Variants in GPD1 observed in about 807,000 individuals in gnomAD.
The protein encoded by GPD1 is glycerol-3-phosphate dehydrogenase 1.
GPD1 carries 19 observed loss-of-function variants against 34.4 expected under a neutral mutation model. That is an observed-to-expected ratio of 0.55 (90% CI 0.39 to 0.81). The LOEUF is 0.81. Ranked by LOEUF, GPD1 falls within the 30% of genes least tolerant of loss-of-function variation. GPD1 has a pLI of 0.00. For missense variants in GPD1, 429 were observed against 447.0 expected (o/e 0.96, Z 0.36); for synonymous variants, 172 against 174.1 (o/e 0.99, Z 0.09).
chr12:50,109,296 C>T lies in GPD1; in HGVS notation c.954-127C>T, dbSNP rs79544019. 939 of 640,404 alleles carry T rather than the reference C, an allele frequency of 1.5e-3. 24 individuals carry two copies. The East Asian group carries it at 0.025, about 17-fold the overall frequency. The allele number at this position is 640,404 out of a possible 1,614,324, so 39.7% of individuals were successfully genotyped here. ...TTCACATTCTCAGAAGGTAGAAACT[C>T]ACAGCCATCCTTCCTGAGCTCCAAG... On this transcript the variant is annotated intron_variant, in intron 7 of 7. Coordinates refer to ENST00000301149, the MANE Select transcript of GPD1 (RefSeq NM_005276.4).
intron 2 of GPD1, 190 bp from the exon 3 acceptor site, chr12:50,105,357 AC>A: frequency 1.6e-6 from 1 of 609,384 alleles, no homozygotes; most frequent in Non-Finnish European, 2.9e-6. Flanking sequence ...CTGGAGGGAG[AC>A]AGAGTGGTAG....
chr12:50,107,839 G>A, intron 6 of GPD1, 39 bp downstream of exon 6: 1 of 1,438,948 alleles, frequency 6.9e-7, no homozygotes, highest in Non-Finnish European at 9.8e-7. Context: ...GGGCGGCTCT[G>A]TAGGCATCCA....
At position 50,105,567 on chromosome 12, in the gene GPD1, T is replaced by G; in HGVS notation, c.239T>G (p.Val80Gly). The change falls in exon 3 of 8, where the codon GTC becomes GGC. Residue 80 changes from valine (V) to glycine (G), a missense_variant. By Grantham distance (109) the Val-to-Gly change is moderately radical. Coordinates refer to ENST00000301149, the MANE Select transcript of GPD1 (RefSeq NM_005276.4). ...PPNVVAVPDVVQAAEDADILI... is the reference protein window; with the variant it reads ...PPNVVAVPDVGQAAEDADILI... ...CCACAGGTGGCTGTCCCAGATGTGG[T>G]CCAGGCTGCAGAGGATGCTGACATC... 1 of 1,613,720 alleles carries G rather than the reference T, an allele frequency of 6.2e-7. No homozygotes were observed. Among genetic ancestry groups the G allele is most frequent in the Non-Finnish European group, 8.5e-7 (1 of 1,179,766 alleles).
chr12:50,109,042 G>A (rs151072203), intron 7 of GPD1, among the ~76,000 whole-genome samples: 1 of 151,632 alleles, frequency 6.6e-6, no homozygotes, highest in Non-Finnish European at 1.5e-5. Context: ...GGCTGATGCA[G>A]GAGAATCGCT....
chr12:50,105,027 G>C, intron 2 of GPD1: 2 of 476,468 alleles, frequency 4.2e-6, no homozygotes, highest in Non-Finnish European at 3.7e-6. Flanking sequence ...TTGGGGTCCA[G>C]TAGTGCCTGC....
chr12:50,107,810 G>T lies in GPD1; in HGVS notation c.846+10G>T, dbSNP rs200453933. 6.3e-7 allele frequency: 1 copy of T among 1,583,534 alleles called. No homozygotes were observed. Among genetic ancestry groups the T allele is most frequent in the Non-Finnish European group, 8.7e-7 (1 of 1,152,336 alleles). ...TGCGCGTACAGGAAAGGTGGGCCCC[G>T]GGAGAAGGGAGAACAGAGGGGCGGC... On this transcript the variant is annotated intron_variant, in intron 6 of 7. Transcript: ENST00000301149.
rs1399792864 is a variant in GPD1 at position 50,110,598 on chromosome 12, G to C, written c.*1079G>C. ...GCATCTGGAAGCCAGCAGGCCAGAGGGTGGCCCAAAGGCTGATGAACGGTA... is the reference window on the plus strand; with the variant it reads ...GCATCTGGAAGCCAGCAGGCCAGAGCGTGGCCCAAAGGCTGATGAACGGTA... On this transcript the variant is annotated 3_prime_UTR_variant, in exon 8 of 8. Coordinates refer to ENST00000301149, the MANE Select transcript of GPD1 (RefSeq NM_005276.4). 6.6e-6 allele frequency: 1 copy of C among 152,572 alleles called. No individual in the cohort carries two copies. Among genetic ancestry groups the C allele is most frequent in the Non-Finnish European group, 1.5e-5 (1 of 68,142 alleles). 9.5% of individuals were successfully genotyped at this position (152,572 alleles called of 1,614,324 possible).
At chr12:50,107,136 G>A in intron 5 of GPD1, 1 of 684,700 alleles carries the variant, frequency 1.5e-6, no homozygotes, top group Non-Finnish European at 2.7e-6. Flanking sequence ...CCTTGCTCCT[G>A]TCCCATTTTA....
intron 1 of GPD1, 30 bp from the exon 2 acceptor site, chr12:50,104,544 T>C: frequency 6.3e-7 from 1 of 1,583,510 alleles, no homozygotes; most frequent in Non-Finnish European, 8.7e-7. Context: ...TCCCTCCTCC[T>C]GTACTTTCCT....
intron 1 of GPD1, chr12:50,104,326 G>A (rs1454125285): frequency 3.0e-5 from 21 of 703,566 alleles, no homozygotes; most frequent in Admixed American, 1.0e-4. Flanking sequence ...GTGAAGAGCC[G>A]CTTGAGTTTG....
chr12:50,108,358 T>C (rs1315006180), intron 7 of GPD1, among the ~76,000 whole-genome samples: 1 of 152,158 alleles, frequency 6.6e-6, no homozygotes, highest in African/African-American at 2.4e-5. Context: ...CACACTACAT[T>C]ACCTGGATCC....
In GPD1 at chr12:50,107,135, T is replaced by C. The variant is rs990377470; in HGVS notation, c.612+218T>C. The C allele has an allele frequency of 3.8e-5, 26 of 684,318 alleles. No individual in the cohort carries two copies. In the African/African-American group the frequency reaches 3.9e-4, roughly 10 times the overall value. 42.4% of individuals were successfully genotyped at this position (684,318 alleles called of 1,614,324 possible). Reference sequence around the variant, plus strand: ...ATCAGACCGTGGACCCCCTTGCTCCTGTCCCATTTTAGCCCCGTGTGGGAC... The same window carrying C: ...ATCAGACCGTGGACCCCCTTGCTCCCGTCCCATTTTAGCCCCGTGTGGGAC... On this transcript the variant is annotated intron_variant, in intron 5 of 7. Transcript: ENST00000301149.
intron 6 of GPD1, 34 bp downstream of exon 6, chr12:50,107,834 G>C: frequency 2.1e-6 from 3 of 1,433,402 alleles, no homozygotes; most frequent in Non-Finnish European, 2.0e-6. Flanking sequence ...CAGAGGGGCG[G>C]CTCTGTAGGC....
chr12:50,106,297 G>C lies in GPD1; in HGVS notation c.370G>C (p.Glu124Gln), dbSNP rs34783513. 1 of 1,610,446 alleles carries C rather than the reference G, an allele frequency of 6.2e-7. No homozygotes were observed. The highest frequency in any genetic ancestry group is 1.1e-5 in the South Asian group (1 of 90,582). Residue 124 changes from glutamate to glutamine, a missense_variant, in exon 4 of 8, where the codon GAG (glutamate) becomes CAG (glutamine). Coordinates refer to ENST00000301149, the MANE Select transcript of GPD1 (RefSeq NM_005276.4). ...TGISLIKGVD[E>Q]GPNGLKLISE... is the part of the protein sequence containing the mutation. ...TCCATCCTGTGCTCAGGGGGTAGAC[G>C]AGGGCCCCAATGGGCTGAAGCTCAT...
intron 2 of GPD1, among the ~76,000 whole-genome samples, 174 bp downstream of exon 2, chr12:50,104,925 G>A (rs1950968004): frequency 6.6e-6 from 1 of 152,222 alleles, no homozygotes; most frequent in Non-Finnish European, 1.5e-5. Flanking sequence ...GAGAACCTAT[G>A]CTTTCCCCTC....
chr12:50,108,221 G>A, intron 7 of GPD1, 91 bp downstream of exon 7: 1 of 755,484 alleles, frequency 1.3e-6, no homozygotes, highest in Non-Finnish European at 2.4e-6. Context: ...CCACAAATCT[G>A]TGAAGTGGAC....
In GPD1 at chr12:50,110,369, G is replaced by C. The variant is rs1266726675; in HGVS notation, c.*850G>C. On this transcript the variant is annotated 3_prime_UTR_variant, in exon 8 of 8. Transcript: ENST00000301149. ...GACAGAGCTACACCTTTCATAACAG[G>C]CTCAGATCACTCAGCTCCCTGTGAC... The C allele has an allele frequency of 6.5e-6, 1 of 152,734 alleles. No individual in the cohort carries two copies. The highest frequency in any genetic ancestry group is 6.5e-5 in the Admixed American group (1 of 15,276). The allele number at this position is 152,734 out of a possible 1,614,324, so 9.5% of individuals were successfully genotyped here.
chr12:50,107,330 A>G (rs1368056765), intron 5 of GPD1: 8 of 682,256 alleles, frequency 1.2e-5, no homozygotes, highest in African/African-American at 5.3e-5. Context: ...GGGAAGATCA[A>G]CTAGAGAGAA....
chr12:50,106,556 G>C (rs1950980250), intron 4 of GPD1, 130 bp downstream of exon 4: 1 of 932,882 alleles, frequency 1.1e-6, no homozygotes, highest in African/African-American at 1.7e-5. Flanking sequence ...AGAGGTGAAG[G>C]AGGCTGGGAC....
Sources: gnomAD v4.1 joint callset for allele counts (sites outside exome capture counted in the v4.1 genomes callset) on GRCh38, gnomAD v4.1.1 for gene constraint, MANE v1.5 for transcripts, NCBI Gene and HGNC (gene_info 2026-07-23, HGNC 2026-07-21) for gene names.